Variants in SBSPON observed in about 807,000 individuals in gnomAD.
SBSPON encodes somatomedin B and thrombospondin type 1 domain containing.
In SBSPON, 30 loss-of-function variants were observed where a neutral mutation model predicts 35.8. That is an observed-to-expected ratio of 0.84 (90% confidence interval 0.63 to 1.14). The LOEUF (loss-of-function observed/expected upper bound fraction) is 1.14, where lower values mean the gene tolerates loss of function less well. Ranked by LOEUF, SBSPON falls within the 50% of genes most tolerant of loss-of-function variation. The pLI, the probability that SBSPON is intolerant of heterozygous loss-of-function variation, is 0.00. For missense variants in SBSPON, 364 were observed against 357.7 expected (o/e 1.02, Z -0.14); for synonymous variants, 136 against 135.9 (o/e 1.00, Z 0.00).
chr8:73,091,129 C>T (rs1810924920), intron 1 of SBSPON, among the ~76,000 whole-genome samples: 1 of 152,208 alleles, frequency 6.6e-6, no homozygotes, highest in South Asian at 2.1e-4. Context: ...CAGGGCCTAG[C>T]ACAGGGCCTG....
intron 1 of SBSPON, among the ~76,000 whole-genome samples, chr8:73,089,142 G>C (rs1011673322): frequency 1.3e-5 from 2 of 152,182 alleles, no homozygotes; most frequent in African/African-American, 4.8e-5. Context: ...CCTTCTATCA[G>C]TGCAAGTCAG....
Position 73,067,271 on chromosome 8 carries a change from G to A in SBSPON, c.*70C>T. ...ACTTTGGCCAAAATTGAAGGTTTAG[G>A]AAACATTGAACATGACTTGAGAATA... On this transcript the variant is annotated 3_prime_UTR_variant, in exon 5 of 5. Transcript: ENST00000297354. The A allele has an allele frequency of 6.1e-6, 6 of 989,534 alleles. No homozygotes were observed. Among genetic ancestry groups the A allele is most frequent in the Non-Finnish European group, 8.0e-6 (5 of 628,312 alleles). The allele number at this position is 989,534 out of a possible 1,614,324, so 61.3% of individuals were successfully genotyped here.
At position 73,066,466 on chromosome 8, in the gene SBSPON, C is replaced by G. The variant is rs1810389167; in HGVS notation, c.*875G>C. 6.6e-6 allele frequency: 1 copy of G among 152,100 alleles called. No individual in the cohort carries two copies. The highest frequency in any genetic ancestry group is 2.4e-5 in the African/African-American group (1 of 41,424). 9.4% of individuals were successfully genotyped at this position (152,100 alleles called of 1,614,324 possible). Reference sequence around the variant, plus strand: ...TTCCATAACCGACACACCATCCACCCCAAACATTAGAAAATGCATGCGGTA... The same window carrying G: ...TTCCATAACCGACACACCATCCACCGCAAACATTAGAAAATGCATGCGGTA... On this transcript the variant is annotated 3_prime_UTR_variant, in exon 5 of 5. Coordinates refer to ENST00000297354, the MANE Select transcript of SBSPON (RefSeq NM_153225.4).
At chr8:73,081,277 G>T in intron 1 of SBSPON, 64 bp from the exon 2 acceptor site, 1 of 1,381,432 alleles carries the variant, frequency 7.2e-7, no homozygotes, top group Non-Finnish European at 9.8e-7. Context: ...GGCTGTTCCC[G>T]CCAACACAAA....
chr8:73,092,132 T>C lies in SBSPON; in HGVS notation c.214+722A>G, dbSNP rs1337193581. ...ACGGGGACAAGGAACTGTGAGATAC[T>C]GTGGGAAATTTAAAGTTGAAAAAGA... On this transcript the variant is annotated intron_variant, in intron 1 of 4. Coordinates refer to ENST00000297354, the MANE Select transcript of SBSPON (RefSeq NM_153225.4). 2.0e-5 allele frequency among the ~76,000 whole-genome samples: 3 copies of C among 152,194 alleles called. No individual in the cohort carries two copies. In the East Asian group the frequency reaches 5.8e-4, roughly 29 times the overall value.
chr8:73,090,883 C>T (rs1810919965), intron 1 of SBSPON, among the ~76,000 whole-genome samples: 1 of 152,220 alleles, frequency 6.6e-6, no homozygotes, highest in Admixed American at 6.5e-5. Flanking sequence ...ACTAAATCCC[C>T]ACTCCAAAAC....
At chr8:73,078,164 G>T (rs536847416) in intron 2 of SBSPON, among the ~76,000 whole-genome samples, 1 of 152,152 alleles carries the variant, frequency 6.6e-6, no homozygotes, top group African/African-American at 2.4e-5. Context: ...CACATGCAGG[G>T]ATTATGATCC....
rs775241053 is a variant in SBSPON, at chr8:73,092,932, C to A, written c.136G>T (p.Val46Phe). ...TGGTCGCAGAAACACGTCCCGTAGA[C>A]CCTGTCCAGCCTCCAGCCGCGGGCG... ...CFARGWRLDR[V>F]YGTCFCDQAC... Residue 46 changes from valine to phenylalanine, a missense_variant, in exon 1 of 5, where the codon GTC (valine) becomes TTC (phenylalanine). Transcript: ENST00000297354. 1 of 1,609,768 alleles carries A rather than the reference C, an allele frequency of 6.2e-7. No homozygotes were observed. Among genetic ancestry groups the A allele is most frequent in the Non-Finnish European group, 8.5e-7 (1 of 1,178,872 alleles).
chr8:73,077,653 A>C (rs1184925773), intron 2 of SBSPON, among the ~76,000 whole-genome samples: 4 of 152,272 alleles, frequency 2.6e-5, no homozygotes, highest in Non-Finnish European at 5.9e-5. Flanking sequence ...GTGAATGCTT[A>C]GTGCGTGGAG....
intron 2 of SBSPON, among the ~76,000 whole-genome samples, chr8:73,080,075 T>C (rs1810665418): frequency 6.6e-6 from 1 of 152,200 alleles, no homozygotes. Context: ...TTTATTTCTC[T>C]GTGAGCCTTG....
rs1386297264 is a variant in SBSPON at position 73,065,710 on chromosome 8, C to T, written c.*1631G>A. ...AGAAGAATGGCGTGAACCCGGGAGG[C>T]GGAGCTTGCAGTGAGCCGAGATGGG... is the stretch of plus-strand genomic sequence containing the variant. On this transcript the variant is annotated 3_prime_UTR_variant, in exon 5 of 5. Transcript: ENST00000297354. 6.6e-6 allele frequency: 1 copy of T among 152,040 alleles called. No individual in the cohort carries two copies. Among genetic ancestry groups the T allele is most frequent in the African/African-American group, 2.4e-5 (1 of 41,472 alleles). 9.4% of individuals were successfully genotyped at this position (152,040 alleles called of 1,614,324 possible).
intron 1 of SBSPON, 84 bp from the exon 2 acceptor site, chr8:73,081,297 T>G: frequency 8.1e-7 from 1 of 1,228,494 alleles, no homozygotes; most frequent in Non-Finnish European, 1.1e-6. Context: ...ACAGCTGAGT[T>G]TAGCTCCATG....
intron 1 of SBSPON, among the ~76,000 whole-genome samples, chr8:73,084,105 T>TG (rs1227897866): frequency 1.3e-5 from 2 of 152,248 alleles, no homozygotes; most frequent in African/African-American, 2.4e-5. Context: ...GCTGAAGGTC[T>TG]GGGGGGCACC....
chr8:73,088,728 G>A (rs1006124048), intron 1 of SBSPON, among the ~76,000 whole-genome samples: 2 of 152,238 alleles, frequency 1.3e-5, no homozygotes, highest in East Asian at 1.9e-4. Context: ...GAGGCAGAAT[G>A]GTTCTATGAG....
intron 1 of SBSPON, among the ~76,000 whole-genome samples, chr8:73,091,875 G>A (rs1440176550): frequency 1.3e-5 from 2 of 152,184 alleles, no homozygotes; most frequent in African/African-American, 4.8e-5. Flanking sequence ...TGGGTATCCG[G>A]TTGCCCAGGG....
At chr8:73,092,249 A>G (rs1376122198) in intron 1 of SBSPON, among the ~76,000 whole-genome samples, 2 of 152,260 alleles carry the variant, frequency 1.3e-5, no homozygotes, top group African/African-American at 4.8e-5. Context: ...TTAAATTCCA[A>G]GAACATACTG....
chr8:73,087,170 C>T (rs1442850841), intron 1 of SBSPON, among the ~76,000 whole-genome samples: 3 of 152,116 alleles, frequency 2.0e-5, no homozygotes, highest in Non-Finnish European at 4.4e-5. Flanking sequence ...CTCATAAGAC[C>T]TCATTTCTCT....
rs1257630055 is a variant in SBSPON at position 73,065,922 on chromosome 8, TTAA to T, written c.*1416_*1418del. The T allele has an allele frequency of 6.6e-6, 1 of 152,168 alleles. No homozygotes were observed. The highest frequency in any genetic ancestry group is 1.5e-5 in the Non-Finnish European group (1 of 68,040). 9.4% of individuals were successfully genotyped at this position (152,168 alleles called of 1,614,324 possible). A position where few individuals can be genotyped will look rare whatever the true frequency, so the allele number is the denominator to read the frequency against. ...TTGATGAGACTCACATATTTTATTA[TTAA>T]TTTCTGAAGAATTTAATTTTCCACA... On this transcript the variant is annotated 3_prime_UTR_variant, in exon 5 of 5. Transcript: ENST00000297354.
intron 1 of SBSPON, among the ~76,000 whole-genome samples, chr8:73,083,250 A>G (rs1810752169): frequency 6.6e-6 from 1 of 152,214 alleles, no homozygotes; most frequent in South Asian, 2.1e-4. Context: ...TTTCCAATCC[A>G]TGATTTTAAA....
Sources: allele counts gnomAD v4.1 joint callset (sites outside exome capture counted in the v4.1 genomes callset), GRCh38; gene constraint gnomAD v4.1.1; transcripts MANE v1.5; gene names NCBI Gene and HGNC (gene_info 2026-07-23, HGNC 2026-07-21).